USP34: variants seen among roughly 807,000 people sequenced by gnomAD.
USP34 encodes the protein ubiquitin specific peptidase 34.
Under a neutral mutation model 460.3 loss-of-function variants are expected in USP34, and 70 were observed. The observed-to-expected ratio is 0.15, with a 90% CI of 0.13 to 0.19. The LOEUF (loss-of-function observed/expected upper bound fraction) is 0.19, where lower values mean the gene tolerates loss of function less well. Among genes scored for constraint, USP34 ranks in the 10% least tolerant of loss-of-function variants. The pLI is 1.00. For missense variants in USP34, 3,985 were observed against 4,236.2 expected, an observed-to-expected ratio of 0.94 and a Z score of 1.65; for synonymous variants, 1,647 against 1,405.3, an observed-to-expected ratio of 1.17 and a Z score of -3.85.
At chr2:61,263,173 ATTTTTTTTTTT>A (rs36015748) in intron 43 of USP34, among the ~76,000 whole-genome samples, 2 of 97,780 alleles carry the variant, frequency 2.0e-5, no homozygotes, top group Non-Finnish European at 3.9e-5. Context: ...CACACATGGA[ATTTTTTTTTTT>A]TTTTTTTTTT....
At chr2:61,409,696 A>ATGTC (rs1693983327) in intron 2 of USP34, among the ~76,000 whole-genome samples, 1 of 152,242 alleles carries the variant, frequency 6.6e-6, no homozygotes, top group Non-Finnish European at 1.5e-5. Flanking sequence ...CCTGGGCGAC[A>ATGTC]GATCAAGACT....
chr2:61,258,697 G>C (rs1688788968), intron 44 of USP34, among the ~76,000 whole-genome samples: 1 of 152,192 alleles, frequency 6.6e-6, no homozygotes, highest in South Asian at 2.1e-4. Context: ...ATACCATTCT[G>C]TTCGTAATGA....
chr2:61,339,825 TTTTG>T, intron 16 of USP34, 144 bp from the exon 17 acceptor site: 1 of 359,366 alleles, frequency 2.8e-6, no homozygotes, highest in Non-Finnish European at 4.4e-6. Context: ...CAATATTTTG[TTTTG>T]TTTTGTTTTT....
chr2:61,319,979 G>C (rs1690866397), intron 21 of USP34, among the ~76,000 whole-genome samples: 1 of 152,132 alleles, frequency 6.6e-6, no homozygotes, highest in East Asian at 1.9e-4. Flanking sequence ...TATTTATCCA[G>C]TTTTTGGCGA....
intron 5 of USP34, among the ~76,000 whole-genome samples, chr2:61,388,938 A>G (rs984928208): frequency 6.6e-6 from 1 of 152,164 alleles, no homozygotes; most frequent in South Asian, 2.1e-4. Flanking sequence ...CCAGTAAAAT[A>G]AATTGGTATA....
chr2:61,389,543 T>C (rs1481620013), intron 5 of USP34, among the ~76,000 whole-genome samples: 4 of 152,140 alleles, frequency 2.6e-5, no homozygotes, highest in Admixed American at 6.5e-5. Context: ...GTCCTTAATA[T>C]TCCCATTGTG....
chr2:61,191,458 C>G (rs896245732), intron 76 of USP34: 5 of 152,144 alleles, frequency 3.3e-5, no homozygotes, highest in African/African-American at 1.2e-4. Context: ...GTAAATTACT[C>G]AAGGTCAGTC....
chr2:61,203,360 ATATT>A (rs1358517915), intron 74 of USP34, 97 bp from the exon 75 acceptor site: 1 of 1,166,144 alleles, frequency 8.6e-7, no homozygotes, highest in African/African-American at 1.6e-5. Context: ...AGCTGATTCA[ATATT>A]TATATTCTAT....
intron 6 of USP34, among the ~76,000 whole-genome samples, chr2:61,381,794 T>C (rs1692983504): frequency 6.6e-6 from 1 of 152,146 alleles, no homozygotes; most frequent in African/African-American, 2.4e-5. Context: ...CACTCACAAC[T>C]CTTACATTAA....
At chr2:61,380,762 T>C (rs1208580546) in intron 6 of USP34, among the ~76,000 whole-genome samples, 5 of 152,196 alleles carry the variant, frequency 3.3e-5, no homozygotes, top group Admixed American at 1.3e-4. Flanking sequence ...AGAAAAGCCT[T>C]TGAGCTTGCC....
intron 43 of USP34, among the ~76,000 whole-genome samples, chr2:61,260,047 T>C (rs1026942258): frequency 1.3e-5 from 2 of 152,240 alleles, no homozygotes; most frequent in Non-Finnish European, 2.9e-5. Flanking sequence ...TTTGGTACAA[T>C]GCTGATGATT....
chr2:61,346,340 C>G (rs889559364), intron 15 of USP34: 2 of 125,288 alleles, frequency 1.6e-5, no homozygotes, highest in African/African-American at 3.1e-5. Context: ...CATAGCAATA[C>G]TCTGTCTCTA....
intron 18 of USP34, among the ~76,000 whole-genome samples, chr2:61,338,537 G>C (rs193208749): frequency 2.0e-5 from 3 of 152,272 alleles, no homozygotes; most frequent in Admixed American, 1.3e-4. Context: ...GGTAAAATTA[G>C]ACAATCATAG....
intron 2 of USP34, among the ~76,000 whole-genome samples, chr2:61,411,826 GA>G (rs1694049132): frequency 6.6e-6 from 1 of 152,144 alleles, no homozygotes; most frequent in Non-Finnish European, 1.5e-5. Flanking sequence ...TTATTACCAT[GA>G]AAGGATAACA....
chr2:61,223,488 A>G, intron 62 of USP34, 192 bp from the exon 63 acceptor site: 1 of 578,024 alleles, frequency 1.7e-6, no homozygotes, highest in Non-Finnish European at 3.0e-6. Context: ...GGATTGGTAA[A>G]TGAAAGCCCA....
At chr2:61,265,284 C>T in intron 43 of USP34, 113 bp downstream of exon 43, 2 of 1,234,206 alleles carry the variant, frequency 1.6e-6, no homozygotes, top group Non-Finnish European at 2.2e-6. Flanking sequence ...ATCAAATTTA[C>T]TTTTATTCAC....
Position 61,278,217 on chromosome 2 carries a change from G to A in USP34, c.5381C>T (p.Ala1794Val). ...TGGTTTGTGTTTAACAACACTTGTTGCAAGCCTTAGGAGTCCTGTAAGCCC... is the reference window on the plus strand; with the variant it reads ...TGGTTTGTGTTTAACAACACTTGTTACAAGCCTTAGGAGTCCTGTAAGCCC... ...DDGLTGLLRLATSVVKHKPPF... is the reference protein window; with the variant it reads ...DDGLTGLLRLVTSVVKHKPPF... Residue 1794 changes from alanine (A) to valine (V), a missense_variant, in exon 41 of 80, where the codon GCA becomes GTA. Physicochemically the swap from Ala to Val is moderately conservative, Grantham distance 64 (BLOSUM62 0). This residue lies in a region of USP34 where 1,114 missense variants were observed against 1,122.5 expected (regional missense o/e 0.99). Transcript: ENST00000398571. The A allele has an allele frequency of 1.2e-6, 2 of 1,613,574 alleles. No homozygotes were observed. Among genetic ancestry groups the A allele is most frequent in the Non-Finnish European group, 1.7e-6 (2 of 1,179,786 alleles).
intron 2 of USP34, among the ~76,000 whole-genome samples, chr2:61,419,521 G>C (rs944948654): frequency 6.6e-6 from 1 of 152,020 alleles, no homozygotes; most frequent in Non-Finnish European, 1.5e-5. Context: ...AAATAAGCTA[G>C]AATACAAGTG....
At chr2:61,222,696 CTTG>C (rs1558474287) in intron 64 of USP34, 33 bp from the exon 65 acceptor site, 1 of 1,600,476 alleles carries the variant, frequency 6.2e-7, no homozygotes, top group Non-Finnish European at 8.5e-7. Context: ...TCAGGATATT[CTTG>C]TTTTGTTTTG....
Sources: allele counts gnomAD v4.1 joint callset (sites outside exome capture counted in the v4.1 genomes callset), GRCh38; gene constraint gnomAD v4.1.1; regional missense constraint gnomAD v4.1.1; transcripts MANE v1.5; gene names NCBI Gene and HGNC (gene_info 2026-07-23, HGNC 2026-07-21).